Variants in PLAA observed in about 807,000 individuals in gnomAD.
PLAA encodes phospholipase A-2-activating protein.
Under a neutral mutation model 84.1 loss-of-function variants are expected in PLAA, and 48 were observed. That is an observed-to-expected ratio of 0.57 (90% CI 0.45 to 0.73). PLAA has a LOEUF of 0.73. Ranked by LOEUF, PLAA falls within the 30% of genes least tolerant of loss-of-function variation. The pLI is 0.00. For synonymous variants in PLAA, 392 were observed against 336.6 expected, an observed-to-expected ratio of 1.16 and a Z score of -1.80; for missense variants, 903 against 954.7, an observed-to-expected ratio of 0.95 and a Z score of 0.71.
rs1824205044 is a variant in PLAA, at chr9:26,905,626, T to C, written c.2273A>G (p.Asn758Ser). Residue 758 changes from asparagine (N) to serine (S), a missense_variant, in exon 14 of 14, where the codon AAT (asparagine) becomes AGT (serine). Coordinates refer to ENST00000397292, the MANE Select transcript of PLAA (RefSeq NM_001031689.3). ...ALGTLISDDS[N>S]AVQLAKSLGV... ...TAAAGACTTGGCTAATTGTACAGCA[T>C]TTGAATCATCACTGATAAGTGTTCC... The C allele has an allele frequency of 1.2e-6, 2 of 1,613,984 alleles. No homozygotes were observed. Among genetic ancestry groups the C allele is most frequent in the African/African-American group, 1.3e-5 (1 of 74,932 alleles).
chr9:26,927,546 T>G (rs190083948), intron 4 of PLAA, among the ~76,000 whole-genome samples: 254 of 152,280 alleles, frequency 1.7e-3, no homozygotes, highest in African/African-American at 5.6e-3. Context: ...AATACTTAAG[T>G]ACCCTACAAA....
rs548674211 is a variant in PLAA at position 26,905,379 on chromosome 9, C to G, written c.*132G>C. On this transcript the variant is annotated 3_prime_UTR_variant, in exon 14 of 14. Coordinates refer to ENST00000397292, the MANE Select transcript of PLAA (RefSeq NM_001031689.3). ...AAATTTTATTTCTGTTTCCCCTCCC[C>G]ACCACTTTACAAGATGTAAAATTTT... 132 of 705,154 alleles carry G rather than the reference C, an allele frequency of 1.9e-4. 1 individual carries two copies. The African/African-American group carries it at 2.1e-3, about 11-fold the overall frequency. The allele number at this position is 705,154 out of a possible 1,614,324, so 43.7% of individuals were successfully genotyped here. A position where few individuals can be genotyped will look rare whatever the true frequency, so the allele number is the denominator to read the frequency against.
intron 7 of PLAA, among the ~76,000 whole-genome samples, chr9:26,922,251 G>A (rs930589062): frequency 6.6e-6 from 1 of 151,110 alleles, no homozygotes; most frequent in African/African-American, 2.4e-5. Context: ...TCAAGGACAT[G>A]CTTAATGGCA....
chr9:26,909,946 A>C (rs1165237610), intron 12 of PLAA, among the ~76,000 whole-genome samples: 1 of 152,210 alleles, frequency 6.6e-6, no homozygotes, highest in East Asian at 1.9e-4. Context: ...TCTAATGGGC[A>C]ATTTAAAATG....
At chr9:26,927,996 T>C (rs1187330802) in intron 4 of PLAA, 104 bp downstream of exon 4, 6 of 1,215,910 alleles carry the variant, frequency 4.9e-6, no homozygotes, top group Non-Finnish European at 6.9e-6. Flanking sequence ...AGCTTAAATA[T>C]ACTAATGTTT....
In PLAA at chr9:26,941,770, A is replaced by AG. The variant is rs1554661620; in HGVS notation, c.149+5126_149+5127insC. ...GAGATTACAGCCAAGAAAAAAAAAA[A>AG]AGAGAGAAATTTAGAAAGCAAGTTC... On this transcript the variant is annotated intron_variant, in intron 1 of 13. Coordinates refer to ENST00000397292, the MANE Select transcript of PLAA (RefSeq NM_001031689.3). Among the ~76,000 whole-genome samples, 7 of 152,096 alleles carry AG rather than the reference A, an allele frequency of 4.6e-5. No homozygotes were observed. In the East Asian group the frequency reaches 9.6e-4, roughly 21 times the overall value.
intron 11 of PLAA, among the ~76,000 whole-genome samples, chr9:26,912,668 T>TAA (rs1824433703): frequency 6.6e-6 from 1 of 152,222 alleles, no homozygotes; most frequent in Non-Finnish European, 1.5e-5. Flanking sequence ...ATTAATTTGG[T>TAA]AAAAAGTTAT....
In PLAA at chr9:26,904,972, T is replaced by A. The variant is rs1268242705; in HGVS notation, c.*539A>T. 1 of 152,018 alleles carries A rather than the reference T, an allele frequency of 6.6e-6. No individual in the cohort carries two copies. The highest frequency in any genetic ancestry group is 1.5e-5 in the Non-Finnish European group (1 of 67,960). The allele number at this position is 152,018 out of a possible 1,614,324, so 9.4% of individuals were successfully genotyped here. A position where few individuals can be genotyped will look rare whatever the true frequency, so the allele number is the denominator to read the frequency against. On this transcript the variant is annotated 3_prime_UTR_variant, in exon 14 of 14. Transcript: ENST00000397292. Reference sequence around the variant, plus strand: ...CATTAAACAAATATACTTTAGGATTTATAAATGACAAATCAAGAAATTATC... The same window carrying A: ...CATTAAACAAATATACTTTAGGATTAATAAATGACAAATCAAGAAATTATC...
At chr9:26,916,825 T>C (rs1447600803) in intron 10 of PLAA, 3 of 337,574 alleles carry the variant, frequency 8.9e-6, no homozygotes. Flanking sequence ...AAAACCTATA[T>C]TCTTAACTAT....
chr9:26,905,599 C>A lies in PLAA; in HGVS notation c.2300G>T (p.Gly767Val), dbSNP rs1390321737. The change falls in exon 14 of 14, where the codon GGT becomes GTT. Residue 767 changes from glycine to valine, a missense_variant. Physicochemically the swap from Gly to Val is moderately radical, Grantham distance 109. Transcript: ENST00000397292. ...SNAVQLAKSL[G>V]VDSQIKKYSS... ...ATACTTTTTTATTTGAGAATCAACACCTAAAGACTTGGCTAATTGTACAGC... is the reference window on the plus strand; with the variant it reads ...ATACTTTTTTATTTGAGAATCAACAACTAAAGACTTGGCTAATTGTACAGC... The A allele has an allele frequency of 6.2e-7, 1 of 1,613,982 alleles. No individual in the cohort carries two copies. The highest frequency in any genetic ancestry group is 1.1e-5 in the South Asian group (1 of 91,076).
intron 1 of PLAA, among the ~76,000 whole-genome samples, chr9:26,935,804 C>T (rs1316987122): frequency 3.3e-5 from 5 of 151,050 alleles, no homozygotes; most frequent in African/African-American, 1.2e-4. Flanking sequence ...AACAAATAAA[C>T]AAAAAAACCC....
chr9:26,908,972 T>C (rs1475666510), intron 12 of PLAA, among the ~76,000 whole-genome samples: 1 of 152,226 alleles, frequency 6.6e-6, no homozygotes, highest in Non-Finnish European at 1.5e-5. Context: ...CATATGCATA[T>C]TTGATGTCAC....
At chr9:26,939,233 A>C (rs1277315064) in intron 1 of PLAA, among the ~76,000 whole-genome samples, 3 of 151,796 alleles carry the variant, frequency 2.0e-5, no homozygotes, top group African/African-American at 7.3e-5. Context: ...CTAAAAATAC[A>C]AAAAATTAGC....
intron 1 of PLAA, 88 bp from the exon 2 acceptor site, chr9:26,935,294 T>G: frequency 1.3e-6 from 1 of 788,934 alleles, no homozygotes; most frequent in Non-Finnish European, 2.0e-6. Flanking sequence ...TTTCATTTAG[T>G]GTCTAGACAA....
At chr9:26,907,036 G>GAAA (rs59918176) in intron 13 of PLAA, among the ~76,000 whole-genome samples, 5,238 of 90,256 alleles carry the variant, frequency 0.058, 147 homozygotes, top group Middle Eastern at 0.085. Context: ...ACATTTTATT[G>GAAA]AAAAAAAAAA....
chr9:26,919,407 A>G lies in PLAA; in HGVS notation c.1320T>C (p.Asn440=), dbSNP rs1268081422. ...TAGCTACTTGATCCAGAAACATAGG[A>G]TTCAAATCATTCTTCTGTAAGAAGT... is the stretch of plus-strand genomic sequence containing the variant. ...AYNFLQKNDL[N]PMFLDQVAKF... The change falls in exon 9 of 14, where the codon AAT becomes AAC. Residue 440 remains asparagine, a synonymous_variant. Transcript: ENST00000397292. The G allele has an allele frequency of 2.5e-6, 4 of 1,612,398 alleles. No homozygotes were observed. Among genetic ancestry groups the G allele is most frequent in the Non-Finnish European group, 3.4e-6 (4 of 1,178,724 alleles).
chr9:26,931,068 A>C (rs1366742781), intron 2 of PLAA, among the ~76,000 whole-genome samples: 1 of 152,094 alleles, frequency 6.6e-6, no homozygotes, highest in Admixed American at 6.5e-5. Flanking sequence ...GTAATAAAGC[A>C]AGGAAGACTA....
rs780636274 is a variant in PLAA, at chr9:26,910,409, T to G, written c.1586A>C (p.Lys529Thr). The G allele has an allele frequency of 1.6e-5, 26 of 1,613,160 alleles. No individual in the cohort carries two copies. The highest frequency in any genetic ancestry group is 2.1e-5 in the Non-Finnish European group (25 of 1,179,464). The change falls in exon 12 of 14, where the codon AAA becomes ACA. Residue 529 changes from lysine (K) to threonine (T), a missense_variant. Coordinates refer to ENST00000397292, the MANE Select transcript of PLAA (RefSeq NM_001031689.3). ...GNSAYRSAAS[K>T]TMNIYFPKKE... ...TTTAGGGAAATAAATATTCATTGTT[T>G]TAGATGCAGCTGATCGGTAGGCACT...
At chr9:26,945,491 T>C (rs188041672) in intron 1 of PLAA, among the ~76,000 whole-genome samples, 2 of 152,344 alleles carry the variant, frequency 1.3e-5, no homozygotes, top group Non-Finnish European at 1.5e-5. Context: ...TTCAATTCAA[T>C]ACAGGAATTT....
Sources: allele counts gnomAD v4.1 joint callset (sites outside exome capture counted in the v4.1 genomes callset), GRCh38; gene constraint gnomAD v4.1.1; transcripts MANE v1.5; gene names NCBI Gene and HGNC (gene_info 2026-07-23, HGNC 2026-07-21).